GAK: variants seen among roughly 807,000 people sequenced by gnomAD.
GAK encodes the protein cyclin-G-associated kinase.
GAK carries 79 observed loss-of-function variants against 143.9 expected under a neutral mutation model. The observed-to-expected ratio is 0.55, with a 90% CI of 0.46 to 0.66. The LOEUF is 0.66. GAK is among the 30% of genes least tolerant of loss of function. GAK has a pLI of 0.00. For synonymous variants in GAK, 881 were observed against 765.5 expected, an observed-to-expected ratio of 1.15 and a Z score of -2.49; for missense variants, 1,693 against 1,779.7, an observed-to-expected ratio of 0.95 and a Z score of 0.88.
At chr4:921,667 C>T (rs1194957811) in intron 1 of GAK, among the ~76,000 whole-genome samples, 6 of 150,132 alleles carry the variant, frequency 4.0e-5, no homozygotes, top group Middle Eastern at 3.5e-3. Context: ...TTTGGATCTG[C>T]AACAGACCCC....
chr4:849,639 T>C lies in GAK; in HGVS notation c.*34A>G, dbSNP rs746108910. On this transcript the variant is annotated 3_prime_UTR_variant, in exon 28 of 28. Transcript: ENST00000314167. Reference sequence around the variant, plus strand: ...AGGTCCCACGACGGCTCCCAACCTGTGGAGCTGTGTGCGCAGCCACCACCA... The same window carrying C: ...AGGTCCCACGACGGCTCCCAACCTGCGGAGCTGTGTGCGCAGCCACCACCA... 6.5e-6 allele frequency: 10 copies of C among 1,539,416 alleles called. No individual in the cohort carries two copies. Among genetic ancestry groups the C allele is most frequent in the Non-Finnish European group, 8.0e-6 (9 of 1,118,348 alleles).
rs372789649 is a variant in GAK at position 932,239 on chromosome 4, C to G, written c.-52G>C. On this transcript the variant is annotated 5_prime_UTR_variant, in exon 1 of 28. Transcript: ENST00000314167. This position sits in a 1 kb window ranked among gnomAD's most constrained non-coding sequence, Gnocchi z 4.0. ...CAGCCGGAGTGGTCGGGCTCGGGCT[C>G]CCGCTCCCTCGCCGTCCGGGTCAGC... is the stretch of plus-strand genomic sequence containing the variant. 5 of 1,473,494 alleles carry G rather than the reference C, an allele frequency of 3.4e-6. No homozygotes were observed. In the African/African-American group the frequency reaches 7.4e-5, roughly 22 times the overall value. The allele number at this position is 1,473,494 out of a possible 1,614,324, so 91.3% of individuals were successfully genotyped here.
At chr4:859,849 G>A (rs1749965289) in intron 23 of GAK, 127 bp from the exon 24 acceptor site, 3 of 698,290 alleles carry the variant, frequency 4.3e-6, no homozygotes, top group African/African-American at 3.6e-5. Flanking sequence ...GCACCTGCAT[G>A]GCTTGCGTGC....
At chr4:855,882 G>A (rs979796095) in intron 24 of GAK, among the ~76,000 whole-genome samples, 1 of 152,222 alleles carries the variant, frequency 6.6e-6, no homozygotes, top group Non-Finnish European at 1.5e-5. Flanking sequence ...TTGAAACTGG[G>A]AGGTGGAGGT....
At chr4:896,385 GC>G in intron 7 of GAK, 74 bp downstream of exon 7, 2 of 1,110,732 alleles carry the variant, frequency 1.8e-6, no homozygotes, top group Non-Finnish European at 2.6e-6. Flanking sequence ...AGTGGCAGGT[GC>G]CCGGCCCACG....
At chr4:849,839 C>CCA (rs1221105633) in intron 27 of GAK, 53 bp downstream of exon 27, 8 of 1,124,890 alleles carry the variant, frequency 7.1e-6, no homozygotes, top group Non-Finnish European at 1.0e-5. Context: ...GCAGGACCCC[C>CCA]CCCCCGCCCC....
chr4:903,709 G>T (rs1720478413), intron 5 of GAK, among the ~76,000 whole-genome samples: 1 of 112,080 alleles, frequency 8.9e-6, no homozygotes, highest in East Asian at 2.4e-4. Context: ...GGGGGGCGGT[G>T]GGGGGGCGGC....
chr4:851,346 T>C (rs1748106719), intron 25 of GAK: 6 of 448,988 alleles, frequency 1.3e-5, no homozygotes, highest in Non-Finnish European at 2.4e-5. Flanking sequence ...TCTGTCCGCC[T>C]CAGCCTCCCA....
chr4:855,135 G>A (rs544800161), intron 24 of GAK, among the ~76,000 whole-genome samples: 2 of 152,306 alleles, frequency 1.3e-5, no homozygotes, highest in African/African-American at 4.8e-5. Context: ...TCCCTGCTGA[G>A]GCGTTGGTAG....
rs757202046 is a variant in GAK, at chr4:911,664, G to C, written c.382+9C>G. 8 of 1,605,312 alleles carry C rather than the reference G, an allele frequency of 5.0e-6. No individual in the cohort carries two copies. In the South Asian group the frequency reaches 8.8e-5, roughly 18 times the overall value. On this transcript the variant is annotated intron_variant, in intron 4 of 27. Transcript: ENST00000314167. The stretch of plus-strand genomic sequence containing the variant: ...AGATGGCACCAAGCCGGCCTTCACA[G>C]GACGTTACCTTTACAGAGCTCTGTG...
rs1560306436 is a variant in GAK at position 867,083 on chromosome 4, A to G, written c.2745T>C (p.Leu915=). Residue 915 remains leucine (L), a synonymous_variant, in exon 21 of 28, where the codon CTT becomes CTC. Transcript: ENST00000314167. The part of the protein sequence containing the change: ...SSNTDLLSCL[L]GPPEAASQGP... ...CCTGGGAGGCGGCCTCAGGGGGCCC[A>G]AGGAGGCAGCTGAGCAGGTCGGTGT... 1.3e-6 allele frequency: 2 copies of G among 1,548,378 alleles called. No homozygotes were observed. The highest frequency in any genetic ancestry group is 1.4e-5 in the African/African-American group (1 of 72,906).
At position 932,042 on chromosome 4, in the gene GAK, C is replaced by T; in HGVS notation, c.145+1G>A. On this transcript the variant is annotated splice_donor_variant, in intron 1 of 27. Coordinates refer to ENST00000314167, the MANE Select transcript of GAK (RefSeq NM_005255.4). LOFTEE classifies it high-confidence loss of function. This position sits in a 1 kb window ranked among gnomAD's most constrained non-coding sequence, Gnocchi z 4.0. ...CCCGCGCTGCCGACCCGGGGCCTCA[C>T]CTTCGGCCAGGACCCGCCGCACCCG... 6.3e-7 allele frequency: 1 copy of T among 1,584,036 alleles called. No individual in the cohort carries two copies. Among genetic ancestry groups the T allele is most frequent in the Non-Finnish European group, 8.6e-7 (1 of 1,166,156 alleles).
At chr4:859,371 G>A (rs764971717) in intron 24 of GAK, 24 of 1,470,402 alleles carry the variant, frequency 1.6e-5, no homozygotes, top group South Asian at 3.6e-5. Flanking sequence ...CCACAATGCC[G>A]GTGGGGGCTG....
At chr4:866,679 G>T in intron 21 of GAK, 145 bp from the exon 22 acceptor site, 1 of 871,906 alleles carries the variant, frequency 1.1e-6, no homozygotes, top group Non-Finnish European at 1.7e-6. Context: ...CACTGAGGCA[G>T]TCAGCCCAGG....
chr4:918,811 T>G lies in GAK; in HGVS notation c.146-5143A>C, dbSNP rs375922690. Reference sequence around the variant, plus strand: ...AGGCTCCAAAGGCCTCAGCGCCGCATGACCTTAGAAAGGCAGAAGGCTCCA... The same window carrying G: ...AGGCTCCAAAGGCCTCAGCGCCGCAGGACCTTAGAAAGGCAGAAGGCTCCA... On this transcript the variant is annotated intron_variant, in intron 1 of 27. Coordinates refer to ENST00000314167, the MANE Select transcript of GAK (RefSeq NM_005255.4). Among the ~76,000 whole-genome samples, 112 of 149,968 alleles carry G rather than the reference T, an allele frequency of 7.5e-4. 1 individual carries two copies. Among genetic ancestry groups the G allele is most frequent in the African/African-American group, 2.7e-3 (109 of 40,368 alleles).
At chr4:854,476 A>G (rs1161100637) in intron 24 of GAK, among the ~76,000 whole-genome samples, 2 of 152,162 alleles carry the variant, frequency 1.3e-5, no homozygotes, top group Non-Finnish European at 1.5e-5. Flanking sequence ...CCAGGCCACA[A>G]AGGTTTTCAC....
At chr4:887,432 C>T (rs1224700908) in intron 11 of GAK, 1 of 150,218 alleles carries the variant, frequency 6.7e-6, no homozygotes, top group Non-Finnish European at 1.5e-5. Flanking sequence ...CATGCACTCA[C>T]AGGCACTCGC....
chr4:855,071 G>C (rs188037296), intron 24 of GAK, among the ~76,000 whole-genome samples: 1 of 152,122 alleles, frequency 6.6e-6, no homozygotes, highest in African/African-American at 2.4e-5. Flanking sequence ...CAGGCATCTA[G>C]TCCATCTGTC....
At chr4:903,341 C>A (rs576846986) in intron 5 of GAK, among the ~76,000 whole-genome samples, 1 of 152,196 alleles carries the variant, frequency 6.6e-6, no homozygotes, top group Non-Finnish European at 1.5e-5. Flanking sequence ...TGCCGGTGAA[C>A]GGAAGGGGAG....
Sources: gnomAD v4.1 joint callset for allele counts (sites outside exome capture counted in the v4.1 genomes callset) on GRCh38, gnomAD v4.1.1 for gene constraint, Gnocchi (gnomAD v3.1) non-coding constraint, MANE v1.5 for transcripts, NCBI Gene and HGNC (gene_info 2026-07-23, HGNC 2026-07-21) for gene names.